Variants in ZNF331 observed in about 807,000 individuals in gnomAD.
ZNF331 encodes the protein zinc finger protein 331, also known as C2H2-like zinc finger protein rearranged in thyroid adenomas.
In ZNF331, 2 loss-of-function variants were observed where a neutral mutation model predicts 7.0. The ratio of observed to expected loss-of-function variants is 0.29; its 90% CI spans 0.12 to 0.90. The LOEUF (loss-of-function observed/expected upper bound fraction) is 0.90, where lower values mean the gene tolerates loss of function less well. Among genes scored for constraint, ZNF331 ranks in the 40% least tolerant of loss-of-function variants. The pLI, the probability that ZNF331 is intolerant of heterozygous loss-of-function variation, is 0.58. For synonymous variants in ZNF331, 196 were observed against 205.4 expected (o/e 0.95, Z 0.39); for missense variants, 432 against 587.7 (o/e 0.74, Z 2.74).
In ZNF331 at chr19:53,540,128, T is replaced by C. The variant is rs1474397447; in HGVS notation, c.-138+846T>C. ...AAAGAGAGGAGCCTGGCCACATTTA[T>C]TGAGCGCATTTTTGTACCATACTCT... On this transcript the variant is annotated intron_variant, in intron 2 of 5. Coordinates refer to ENST00000449416, the MANE Select transcript of ZNF331 (RefSeq NM_001079906.2). 3.9e-5 allele frequency among the ~76,000 whole-genome samples: 6 copies of C among 152,346 alleles called. No homozygotes were observed. The South Asian group carries it at 1.0e-3, about 26-fold the overall frequency.
upstream of ZNF331, among the ~76,000 whole-genome samples, chr19:53,519,475 CA>C: frequency 6.6e-6 from 1 of 152,206 alleles, no homozygotes; most frequent in East Asian, 1.9e-4. Context: ...TCCTACTGGG[CA>C]AAGGCCCAAC....
intron 2 of ZNF331, among the ~76,000 whole-genome samples, chr19:53,551,700 G>A (rs1011312602): frequency 2.0e-5 from 3 of 152,140 alleles, no homozygotes; most frequent in Admixed American, 6.6e-5. Context: ...GCTAACATCT[G>A]TATTGAACAT....
chr19:53,574,422 A>G (rs536568009), intron 5 of ZNF331, among the ~76,000 whole-genome samples: 5 of 152,100 alleles, frequency 3.3e-5, no homozygotes, highest in Non-Finnish European at 7.4e-5. Flanking sequence ...AGCCTCTAGG[A>G]AAGAAAGATC....
chr19:53,559,453 CATAT>C (rs144483036), intron 3 of ZNF331, among the ~76,000 whole-genome samples: 3 of 150,968 alleles, frequency 2.0e-5, no homozygotes, highest in Non-Finnish European at 4.4e-5. Context: ...TATATACACA[CATAT>C]ATACACACCA....
the ZNF331 span, among the ~76,000 whole-genome samples, chr19:53,507,594 G>A: frequency 6.6e-6 from 1 of 152,156 alleles, no homozygotes; most frequent in Non-Finnish European, 1.5e-5. Flanking sequence ...CCTGGTCCAG[G>A]TTCACTGATG....
At position 53,569,286 on chromosome 19, in the gene ZNF331, CTT is replaced by C; in HGVS notation, c.-73-12_-73-11del. ...CCCCAGATGCACCTCGTTTTAATCT[CTT>C]TTTTTCCACCCCTAGCTCTAGCCTC... On this transcript the variant is annotated splice_polypyrimidine_tract_variant and intron_variant, in intron 3 of 5. Transcript: ENST00000449416. 2 of 1,484,610 alleles carry C rather than the reference CTT, an allele frequency of 1.3e-6. No homozygotes were observed. Among genetic ancestry groups the C allele is most frequent in the East Asian group, 2.3e-5 (1 of 44,174 alleles). The allele number at this position is 1,484,610 out of a possible 1,614,324, so 92.0% of individuals were successfully genotyped here. A position where few individuals can be genotyped will look rare whatever the true frequency, so the allele number is the denominator to read the frequency against.
At chr19:53,555,115 G>C (rs1015612346) in intron 2 of ZNF331, 1 of 154,836 alleles carries the variant, frequency 6.5e-6, no homozygotes, top group African/African-American at 2.4e-5. Flanking sequence ...GGTGACGCAG[G>C]TGTGTGTGAC....
chr19:53,525,857 C>T (rs958090223), intron 2 of ZNF331, among the ~76,000 whole-genome samples: 2 of 152,114 alleles, frequency 1.3e-5, no homozygotes, highest in African/African-American at 2.4e-5. Context: ...TGGGAATCCT[C>T]GTCTTGTTCC....
At chr19:53,559,561 C>A (rs116664811) in intron 3 of ZNF331, among the ~76,000 whole-genome samples, 1,728 of 148,728 alleles carry the variant, frequency 0.012, 37 homozygotes, top group African/African-American at 0.04. Context: ...ATATACACAC[C>A]TACATATATA....
At chr19:53,570,284 CG>C (rs900072204) in intron 4 of ZNF331, among the ~76,000 whole-genome samples, 1 of 145,452 alleles carries the variant, frequency 6.9e-6, no homozygotes, top group African/African-American at 2.5e-5. Context: ...AAATCAGGAA[CG>C]GGGGAAAGGC....
chr19:53,538,162 C>T lies in ZNF331; in HGVS notation c.-339C>T, dbSNP rs1282698796. ...TGTGTGACGCACTTGCGTGGGAGTA[C>T]GAGGCTGACGCGGCGGCCCTGTCCC... On this transcript the variant is annotated 5_prime_UTR_variant, in exon 1 of 6. In the 5' UTR this introduces an upstream ATG that the reference lacks. Transcript: ENST00000449416. 1 of 151,992 alleles carries T rather than the reference C, an allele frequency of 6.6e-6. No individual in the cohort carries two copies. Among genetic ancestry groups the T allele is most frequent in the African/African-American group, 2.4e-5 (1 of 41,368 alleles). The allele number at this position is 151,992 out of a possible 1,614,324, so 9.4% of individuals were successfully genotyped here.
At chr19:53,506,462 C>CTCTGTCTG in the ZNF331 span, among the ~76,000 whole-genome samples, 1 of 137,390 alleles carries the variant, frequency 7.3e-6, no homozygotes, top group South Asian at 2.4e-4. Context: ...CTCTCTCTCT[C>CTCTGTCTG]TCTCTCTCTC....
chr19:53,547,790 A>C (rs2088715333), intron 2 of ZNF331, among the ~76,000 whole-genome samples: 2 of 152,192 alleles, frequency 1.3e-5, no homozygotes, highest in Admixed American at 1.3e-4. Flanking sequence ...GATCCTGAGC[A>C]ATTTTTCACA....
At chr19:53,548,807 A>G (rs983115827) in intron 2 of ZNF331, among the ~76,000 whole-genome samples, 1 of 150,548 alleles carries the variant, frequency 6.6e-6, no homozygotes, top group Non-Finnish European at 1.5e-5. Flanking sequence ...CTTACTTTTT[A>G]TGTCTTTAAT....
Position 53,577,654 on chromosome 19 carries a change from A to G in ZNF331, c.1094A>G (p.Asn365Ser), listed in dbSNP as rs1366221156. ...TGCACAGAATGTGGGAAGGCCTTCAATTGTGGCTATCACCTCACTCAGCAC... is the reference window on the plus strand; with the variant it reads ...TGCACAGAATGTGGGAAGGCCTTCAGTTGTGGCTATCACCTCACTCAGCAC... ...YKCTECGKAF[N>S]CGYHLTQHER... The change falls in exon 6 of 6, where the codon AAT (asparagine) becomes AGT (serine). Residue 365 changes from asparagine to serine, a missense_variant. This residue lies in a region of ZNF331 where 312 missense variants were observed against 448.6 expected (regional missense o/e 0.70). Transcript: ENST00000449416. 24 of 1,613,568 alleles carry G rather than the reference A, an allele frequency of 1.5e-5. No homozygotes were observed. Among genetic ancestry groups the G allele is most frequent in the African/African-American group, 2.7e-5 (2 of 74,744 alleles).
the ZNF331 span, among the ~76,000 whole-genome samples, chr19:53,507,409 G>A: frequency 2.0e-5 from 3 of 152,236 alleles, no homozygotes; most frequent in Admixed American, 2.0e-4. Context: ...CGAAAGCCTT[G>A]CTTATGACAC....
intron 2 of ZNF331, among the ~76,000 whole-genome samples, chr19:53,531,026 A>G (rs1255058367): frequency 1.3e-5 from 2 of 151,990 alleles, no homozygotes; most frequent in Admixed American, 1.3e-4. Flanking sequence ...ATTGTCATAG[A>G]TATGGCCTGA....
intron 2 of ZNF331, among the ~76,000 whole-genome samples, chr19:53,543,465 C>T (rs888697027): frequency 7.9e-5 from 12 of 151,582 alleles, no homozygotes; most frequent in East Asian, 2.0e-4. Flanking sequence ...GGTTTCACCA[C>T]GTTGGCCAGG....
chr19:53,514,460 C>T, the ZNF331 span, among the ~76,000 whole-genome samples: 1 of 152,076 alleles, frequency 6.6e-6, no homozygotes, highest in East Asian at 1.9e-4. Flanking sequence ...CTTGGCCTCC[C>T]GAAGTACTGG....
Sources: gnomAD v4.1 joint callset for allele counts (sites outside exome capture counted in the v4.1 genomes callset) on GRCh38, gnomAD v4.1.1 for gene constraint, gnomAD v4.1.1 regional missense constraint, MANE v1.5 for transcripts, NCBI Gene and HGNC (gene_info 2026-07-23, HGNC 2026-07-21) for gene names.